The following CFDP1 variants were observed in gnomAD, a reference collection of about 807,000 sequenced individuals.
CFDP1 encodes the protein heterochromatin-stabilizing protein CFDP1.
In CFDP1, 31 loss-of-function variants were observed where a neutral mutation model predicts 40.1. That is an observed-to-expected ratio of 0.77 (90% CI 0.58 to 1.04). The LOEUF is 1.04. CFDP1 is among the 50% of genes least tolerant of loss of function. CFDP1 has a pLI of 0.00. For synonymous variants in CFDP1, 167 were observed against 120.0 expected (o/e 1.39, Z -2.56); for missense variants, 423 against 343.4 (o/e 1.23, Z -1.83).
chr16:75,350,953 G>A (rs2078606368), intron 5 of CFDP1, among the ~76,000 whole-genome samples: 1 of 151,936 alleles, frequency 6.6e-6, no homozygotes, highest in Non-Finnish European at 1.5e-5. Context: ...TTAGAACACA[G>A]AAATTTGACT....
chr16:75,421,040 G>A (rs1051902585), intron 1 of CFDP1, among the ~76,000 whole-genome samples: 1 of 152,168 alleles, frequency 6.6e-6, no homozygotes, highest in Admixed American at 6.5e-5. Flanking sequence ...TTAATAATGA[G>A]ACAGCCATGT....
chr16:75,310,707 C>A (rs2078288981), intron 5 of CFDP1, among the ~76,000 whole-genome samples: 1 of 152,152 alleles, frequency 6.6e-6, no homozygotes, highest in South Asian at 2.1e-4. Flanking sequence ...CCACCCTCAG[C>A]AATGCCCGGG....
chr16:75,404,611 T>C (rs1337485889), intron 4 of CFDP1, among the ~76,000 whole-genome samples: 1 of 152,092 alleles, frequency 6.6e-6, no homozygotes, highest in African/African-American at 2.4e-5. Flanking sequence ...CAATGTAGTA[T>C]TTTTGTCTAA....
chr16:75,311,487 C>A (rs2078292153), intron 5 of CFDP1, among the ~76,000 whole-genome samples: 3 of 152,086 alleles, frequency 2.0e-5, no homozygotes, highest in Admixed American at 6.6e-5. Context: ...AATGGACTTA[C>A]CCAAACACTT....
At chr16:75,346,418 C>T (rs1322280221) in intron 5 of CFDP1, among the ~76,000 whole-genome samples, 1 of 151,598 alleles carries the variant, frequency 6.6e-6, no homozygotes. Flanking sequence ...CCCATCTCTA[C>T]TAAAAATACA....
chr16:75,383,239 C>T (rs2078865993), intron 5 of CFDP1, among the ~76,000 whole-genome samples: 1 of 152,092 alleles, frequency 6.6e-6, no homozygotes, highest in South Asian at 2.1e-4. Context: ...ATTTTCAATC[C>T]TTGACCAAAA....
intron 5 of CFDP1, among the ~76,000 whole-genome samples, chr16:75,310,496 TC>T (rs1461807029): frequency 6.6e-6 from 1 of 152,242 alleles, no homozygotes; most frequent in Non-Finnish European, 1.5e-5. Flanking sequence ...ATGATAATTT[TC>T]TAGAACTTAT....
intron 5 of CFDP1, among the ~76,000 whole-genome samples, chr16:75,348,102 C>T (rs1597346438): frequency 6.6e-6 from 1 of 152,140 alleles, no homozygotes; most frequent in South Asian, 2.1e-4. Flanking sequence ...TAGTTAATGG[C>T]GCTGTACCAA....
At chr16:75,375,361 C>T (rs1234781775) in intron 5 of CFDP1, among the ~76,000 whole-genome samples, 1 of 152,118 alleles carries the variant, frequency 6.6e-6, no homozygotes, top group African/African-American at 2.4e-5. Context: ...AAACCAATAA[C>T]AGAATAAAAC....
In CFDP1 at chr16:75,369,520, TG is replaced by T. The variant is rs757741051; in HGVS notation, c.650+25569del. ...TTAGACACATGGCTTCGCAGTAGGT[TG>T]CCTATTTATTCTCCAATAATCTAAA... On this transcript the variant is annotated intron_variant, in intron 5 of 6. Coordinates refer to ENST00000283882, the MANE Select transcript of CFDP1 (RefSeq NM_006324.3). Among the ~76,000 whole-genome samples, 144 of 152,346 alleles carry T rather than the reference TG, an allele frequency of 9.5e-4. 1 individual carries two copies. Among genetic ancestry groups the T allele is most frequent in the Non-Finnish European group, 1.8e-3 (121 of 68,030 alleles).
chr16:75,298,689 CAAT>C (rs1461848956), intron 6 of CFDP1, among the ~76,000 whole-genome samples: 1 of 152,094 alleles, frequency 6.6e-6, no homozygotes, highest in Non-Finnish European at 1.5e-5. Context: ...GCAGTTTGCC[CAAT>C]AGTACACCTC....
At chr16:75,318,133 C>T (rs1056030208) in intron 5 of CFDP1, among the ~76,000 whole-genome samples, 15 of 151,660 alleles carry the variant, frequency 9.9e-5, no homozygotes, top group African/African-American at 2.7e-4. Context: ...AGTGAGACTC[C>T]GTATCACAAA....
At chr16:75,420,892 T>C (rs1276839530) in intron 1 of CFDP1, among the ~76,000 whole-genome samples, 1 of 152,232 alleles carries the variant, frequency 6.6e-6, no homozygotes, top group East Asian at 1.9e-4. Context: ...CATTTTCTAA[T>C]TTTCTATAAA....
At chr16:75,370,739 G>A (rs140737720) in intron 5 of CFDP1, among the ~76,000 whole-genome samples, 3 of 152,214 alleles carry the variant, frequency 2.0e-5, no homozygotes, top group Admixed American at 6.5e-5. Context: ...GCATGTGCCT[G>A]TAATCCCAGC....
chr16:75,306,861 T>A (rs1456505075), intron 5 of CFDP1, among the ~76,000 whole-genome samples: 1 of 150,352 alleles, frequency 6.7e-6, no homozygotes, highest in African/African-American at 2.5e-5. Flanking sequence ...CCCTACAATG[T>A]CATATGTGCG....
chr16:75,406,776 G>A (rs2079103609), intron 4 of CFDP1: 1 of 152,144 alleles, frequency 6.6e-6, no homozygotes, highest in South Asian at 2.1e-4. Context: ...TGTAATCCCA[G>A]CACTTTGGGA....
At chr16:75,319,198 C>T (rs1030283102) in intron 5 of CFDP1, among the ~76,000 whole-genome samples, 3 of 152,146 alleles carry the variant, frequency 2.0e-5, no homozygotes, top group African/African-American at 7.2e-5. Context: ...CACATGCCAC[C>T]ATGCCCAGCT....
At chr16:75,334,115 C>T (rs569749244) in intron 5 of CFDP1, among the ~76,000 whole-genome samples, 1 of 152,126 alleles carries the variant, frequency 6.6e-6, no homozygotes, top group East Asian at 1.9e-4. Context: ...ATACCAGCTA[C>T]CTCAAGATCA....
At chr16:75,368,932 T>G (rs2078734297) in intron 5 of CFDP1, among the ~76,000 whole-genome samples, 1 of 152,200 alleles carries the variant, frequency 6.6e-6, no homozygotes, top group Non-Finnish European at 1.5e-5. Flanking sequence ...TGGGTATCAG[T>G]ACTTTCCTTT....
Sources: allele counts gnomAD v4.1 joint callset (sites outside exome capture counted in the v4.1 genomes callset), GRCh38; gene constraint gnomAD v4.1.1; transcripts MANE v1.5; gene names NCBI Gene and HGNC (gene_info 2026-07-23, HGNC 2026-07-21).